MZT2A: variants seen among roughly 807,000 people sequenced by gnomAD.
The protein encoded by MZT2A is mitotic-spindle organizing protein 2A.
MZT2A carries 8 observed loss-of-function variants against 12.4 expected under a neutral mutation model. The observed-to-expected ratio is 0.64, with a 90% confidence interval of 0.38 to 1.16. The LOEUF (loss-of-function observed/expected upper bound fraction) is 1.16. MZT2A is among the 50% of genes most tolerant of loss of function. The pLI, the probability that MZT2A is intolerant of heterozygous loss-of-function variation, is 0.01. For missense variants in MZT2A, 181 were observed against 223.6 expected (o/e 0.81, Z 1.22); for synonymous variants, 88 against 107.5 (o/e 0.82, Z 1.12).
chr2:131,486,218 C>T (rs1157557700), intron 2 of MZT2A, among the ~76,000 whole-genome samples: 4 of 151,928 alleles, frequency 2.6e-5, no homozygotes, highest in Admixed American at 6.6e-5. Context: ...ATAGCCACCA[C>T]GCATCTCTTG....
At chr2:131,482,835 G>A (rs2104729134), downstream of MZT2A, 1 of 1,613,922 alleles carries the variant, frequency 6.2e-7, no homozygotes, top group East Asian at 2.2e-5. Flanking sequence ...GCTGAAGAAG[G>A]CGAAGAATAC....
intron 2 of MZT2A, among the ~76,000 whole-genome samples, chr2:131,488,185 A>G (rs1679131542): frequency 6.6e-6 from 1 of 152,120 alleles, no homozygotes; most frequent in South Asian, 2.1e-4. Context: ...CACACTCCAA[A>G]CGTCATCTTA....
intron 2 of MZT2A, among the ~76,000 whole-genome samples, chr2:131,484,527 G>A (rs1169260329): frequency 6.6e-6 from 1 of 152,232 alleles, no homozygotes; most frequent in Non-Finnish European, 1.5e-5. Context: ...GGGAAAGGTA[G>A]GTGTGGTGGT....
chr2:131,492,825 C>G (rs1327837253), upstream of MZT2A: 2 of 1,454,472 alleles, frequency 1.4e-6, no homozygotes, highest in East Asian at 6.5e-5. Context: ...CTTACGCGCA[C>G]GCGCATTCCT....
chr2:131,481,705 T>C (rs1014561478), downstream of MZT2A, among the ~76,000 whole-genome samples: 7 of 152,148 alleles, frequency 4.6e-5, no homozygotes, highest in Non-Finnish European at 7.4e-5. Context: ...AAGTGCTGGA[T>C]TACAGGCACG....
At chr2:131,475,432 C>T (rs865815772) in intron 2 of MZT2A, among the ~76,000 whole-genome samples, 15 of 145,604 alleles carry the variant, frequency 1.0e-4, no homozygotes, top group Admixed American at 2.9e-4. Context: ...CAGTTTCAAG[C>T]GATTCTCCTA....
In MZT2A at chr2:131,472,920, C is replaced by CCT. The variant is rs1374765245; in HGVS notation, c.279-739_279-738insAG. Reference sequence around the variant, plus strand: ...CTATGGACTGAATGGTGTCCCCCCCCACCAATATTAGACGCTGAAGCTCTA... The same window carrying CCT: ...CTATGGACTGAATGGTGTCCCCCCCCCTACCAATATTAGACGCTGAAGCTCTA... On this transcript the variant is annotated intron_variant and NMD_transcript_variant, in intron 2 of 4. Transcript: ENST00000427024. Among the ~76,000 whole-genome samples the CCT allele has an allele frequency of 5.6e-3, 849 of 151,638 alleles. 10 individuals are homozygous for CCT. The highest frequency in any genetic ancestry group is 0.02 in the African/African-American group (808 of 40,988).
At chr2:131,471,468 AAAG>A (rs1229695458) in intron 3 of MZT2A, among the ~76,000 whole-genome samples, 2 of 145,958 alleles carry the variant, frequency 1.4e-5, no homozygotes, top group Admixed American at 1.3e-4. Context: ...GAAAAAAAGA[AAAG>A]AAAAAAGAAC....
At chr2:131,475,528 C>T (rs924400094) in intron 2 of MZT2A, among the ~76,000 whole-genome samples, 6 of 151,936 alleles carry the variant, frequency 3.9e-5, no homozygotes, top group African/African-American at 1.5e-4. Context: ...GGGTTTTCAC[C>T]ATATTGGCCA....
chr2:131,480,531 A>C, downstream of MZT2A: 1 of 1,606,146 alleles, frequency 6.2e-7, no homozygotes, highest in Non-Finnish European at 8.5e-7. Context: ...CTCAGCTGAG[A>C]AGGCCTACCA....
chr2:131,491,264 A>G (rs1456196621), intron 2 of MZT2A: 4 of 355,270 alleles, frequency 1.1e-5, no homozygotes, highest in African/African-American at 8.4e-5. Flanking sequence ...GAGGCCCTTC[A>G]GACCCCGCAG....
intron 2 of MZT2A, chr2:131,491,671 G>A (rs917602409): frequency 3.5e-5 from 28 of 809,670 alleles, no homozygotes; most frequent in Non-Finnish European, 3.8e-6. Context: ...CACGCACTCT[G>A]CGTCCACCTG....
chr2:131,492,843 G>T, upstream of MZT2A: 1 of 1,479,074 alleles, frequency 6.8e-7, no homozygotes, highest in Non-Finnish European at 9.1e-7. Context: ...CCTTGCTAGG[G>T]AGAAAGTGCG....
At position 131,492,255 on chromosome 2, in the gene MZT2A, T is replaced by C. The variant is rs1475312059; in HGVS notation, c.122A>G (p.Tyr41Cys). The C allele has an allele frequency of 1.3e-6, 2 of 1,585,494 alleles. No homozygotes were observed. Among genetic ancestry groups the C allele is most frequent in the South Asian group, 2.3e-5 (2 of 88,222 alleles). The change falls in exon 1 of 3, where the codon TAC becomes TGC. Residue 41 changes from tyrosine (Y) to cysteine (C), a missense_variant. By Grantham distance (194) the Tyr-to-Cys change is radical (BLOSUM62 -2). Transcript: ENST00000309451. The stretch of plus-strand genomic sequence containing the variant: ...GCCGCCCGCCGCCTGAGCCAGCTCG[T>C]ACAGCTCCATCTCCTCGGTGCTCAG... ...KVLSTEEMEL[Y>C]ELAQAAGGGI...
At chr2:131,472,505 C>T (rs1678476709) in intron 2 of MZT2A, among the ~76,000 whole-genome samples, 2 of 152,166 alleles carry the variant, frequency 1.3e-5, no homozygotes, top group Non-Finnish European at 2.9e-5. Context: ...CTTTTATAAT[C>T]AGAAAAATAA....
chr2:131,487,853 A>G (rs1573872021), intron 2 of MZT2A, among the ~76,000 whole-genome samples: 1 of 152,086 alleles, frequency 6.6e-6, no homozygotes, highest in East Asian at 1.9e-4. Context: ...TGCAACCTCA[A>G]CCTCCCAGGC....
upstream of MZT2A, chr2:131,493,049 T>C (rs975677119): frequency 2.3e-5 from 35 of 1,490,204 alleles, no homozygotes; most frequent in African/African-American, 3.9e-4. Context: ...CCGCGGGGCG[T>C]GGCTCTGCGC....
intron 2 of MZT2A, among the ~76,000 whole-genome samples, chr2:131,485,157 C>G (rs561976213): frequency 6.6e-6 from 1 of 152,116 alleles, no homozygotes; most frequent in Admixed American, 6.5e-5. Flanking sequence ...GGGTCTGACC[C>G]GTGGGCTCTA....
chr2:131,492,799 C>T, upstream of MZT2A: 2 of 1,403,854 alleles, frequency 1.4e-6, no homozygotes, highest in Admixed American at 2.2e-5. Flanking sequence ...GTGGGGGGCA[C>T]TAATCAACAA....
Sources: allele counts gnomAD v4.1 joint callset (sites outside exome capture counted in the v4.1 genomes callset), GRCh38; gene constraint gnomAD v4.1.1; transcripts MANE v1.5; gene names NCBI Gene and HGNC (gene_info 2026-07-23, HGNC 2026-07-21).